The following ROBO2 variants were observed in gnomAD, a reference collection of about 807,000 sequenced individuals.
The protein encoded by ROBO2 is roundabout guidance receptor 2, also known as roundabout homolog 2.
In ROBO2, 53 loss-of-function variants were observed where a neutral mutation model predicts 160.8. The observed-to-expected ratio is 0.33, with a 90% CI of 0.26 to 0.41. ROBO2 has a LOEUF of 0.41. ROBO2 is among the 10% of genes least tolerant of loss of function. ROBO2 has a pLI of 1.00. For missense variants in ROBO2, 1,577 were observed against 1,722.4 expected (o/e 0.92, Z 1.49); for synonymous variants, 664 against 611.7 (o/e 1.09, Z -1.26).
intron 2 of ROBO2, among the ~76,000 whole-genome samples, chr3:76,417,190 A>G (rs114071261): frequency 6.6e-6 from 1 of 152,196 alleles, no homozygotes; most frequent in Non-Finnish European, 1.5e-5. Flanking sequence ...ACAGCATGCT[A>G]TAAGATATTG....
chr3:75,956,577 C>A (rs2107234191), intron 2 of ROBO2, among the ~76,000 whole-genome samples: 1 of 151,696 alleles, frequency 6.6e-6, no homozygotes, highest in South Asian at 2.1e-4. Flanking sequence ...AATATAGTGA[C>A]CCTCATATAG....
intron 2 of ROBO2, among the ~76,000 whole-genome samples, chr3:76,048,842 C>T (rs537250052): frequency 1.2e-4 from 18 of 152,186 alleles, no homozygotes; most frequent in African/African-American, 3.1e-4. Flanking sequence ...GAATACTCCA[C>T]GGCATTGTGA....
chr3:75,969,444 G>A lies in ROBO2; in HGVS notation c.109+31842G>A, dbSNP rs114169288. On this transcript the variant is annotated intron_variant, in intron 2 of 26. Transcript: ENST00000487694. ...TGGGTATGTACCCAGCAGGGGGATT[G>A]TGGAGTCATTCAGTAGCTCTATTTT... is the stretch of plus-strand genomic sequence containing the variant. Among the ~76,000 whole-genome samples, 1,012 of 151,532 alleles carry A rather than the reference G, an allele frequency of 6.7e-3. 11 individuals carry two copies. Among genetic ancestry groups the A allele is most frequent in the Non-Finnish European group, 8.7e-3 (592 of 67,676 alleles).
intron 2 of ROBO2, among the ~76,000 whole-genome samples, chr3:77,242,374 C>G (rs1359530318): frequency 6.6e-6 from 1 of 152,042 alleles, no homozygotes; most frequent in South Asian, 2.1e-4. Context: ...ATTTTAACAT[C>G]TTCCACTGAA....
At position 77,601,021 on chromosome 3, in the gene ROBO2, A is replaced by G. The variant is rs889239167; in HGVS notation, c.2855-1189A>G. 3.3e-5 allele frequency among the ~76,000 whole-genome samples: 5 copies of G among 152,322 alleles called. 1 individual carries two copies. The South Asian group carries it at 1.0e-3, about 32-fold the overall frequency. ...ACAAGCTCCAAACTTCAAAACCTTC[A>G]TAAAGACTTAAGTTATGCAGTGTAC... On this transcript the variant is annotated intron_variant, in intron 19 of 25. Coordinates refer to ENST00000461745, the Ensembl canonical transcript of ROBO2.
At chr3:77,327,146 T>C (rs185984489) in intron 2 of ROBO2, among the ~76,000 whole-genome samples, 2 of 152,298 alleles carry the variant, frequency 1.3e-5, no homozygotes, top group East Asian at 3.9e-4. Context: ...ATTTGGTTTC[T>C]TGGTTAACCC....
At position 76,364,952 on chromosome 3, in the gene ROBO2, A is replaced by G. The variant is rs9860205; in HGVS notation, c.109+427350A>G. ...TTTTCCTATAAATTCGCTTGGATTT[A>G]TCTTTGCCCCCAACTTATCTGGTGT... is the stretch of plus-strand genomic sequence containing the variant. On this transcript the variant is annotated intron_variant, in intron 2 of 26. Coordinates refer to the ROBO2 transcript ENST00000487694. Among the ~76,000 whole-genome samples, 413 of 152,206 alleles carry G rather than the reference A, an allele frequency of 2.7e-3. 2 individuals carry two copies. Among genetic ancestry groups the G allele is most frequent in the African/African-American group, 9.7e-3 (402 of 41,546 alleles).
At chr3:76,268,083 T>C (rs62261374) in intron 2 of ROBO2, among the ~76,000 whole-genome samples, 105,641 of 152,102 alleles carry the variant, frequency 0.69, 40,963 homozygotes, top group Non-Finnish European at 0.89. Context: ...GGCAACATGG[T>C]GAGACCTGAT....
intron 2 of ROBO2, among the ~76,000 whole-genome samples, chr3:76,442,101 G>A (rs538612669): frequency 1.3e-5 from 2 of 152,290 alleles, no homozygotes; most frequent in East Asian, 1.9e-4. Context: ...GAAGAAAAAC[G>A]AGTAAGGGCT....
chr3:77,637,088 A>G (rs1167253970), intron 24 of ROBO2, among the ~76,000 whole-genome samples: 1 of 152,238 alleles, frequency 6.6e-6, no homozygotes, highest in Non-Finnish European at 1.5e-5. Context: ...AAAACTGCAC[A>G]TTAGAACCAT....
intron 2 of ROBO2, among the ~76,000 whole-genome samples, chr3:76,630,108 A>G (rs1265879223): frequency 6.6e-6 from 1 of 152,172 alleles, no homozygotes; most frequent in Non-Finnish European, 1.5e-5. Context: ...TCATTTTGTT[A>G]TAATGTTGAT....
intron 2 of ROBO2, among the ~76,000 whole-genome samples, chr3:77,109,444 G>A (rs1037030172): frequency 6.6e-6 from 1 of 152,068 alleles, no homozygotes; most frequent in African/African-American, 2.4e-5. Context: ...CAAAAACCAA[G>A]GCATGGCTCT....
chr3:76,429,366 G>C (rs180876659), intron 2 of ROBO2, among the ~76,000 whole-genome samples: 299 of 152,280 alleles, frequency 2.0e-3, no homozygotes, highest in Non-Finnish European at 3.7e-3. Flanking sequence ...CCCATTGTTA[G>C]GGTTGTTATG....
intron 1 of ROBO2, among the ~76,000 whole-genome samples, chr3:75,907,889 G>A (rs1946422070): frequency 6.9e-6 from 1 of 145,748 alleles, no homozygotes; most frequent in African/African-American, 2.5e-5. Flanking sequence ...GTGTATCAGA[G>A]AGACAAAATT....
intron 2 of ROBO2, among the ~76,000 whole-genome samples, chr3:75,969,672 A>G (rs2064934524): frequency 6.6e-6 from 1 of 151,620 alleles, no homozygotes. Context: ...ACCTTTTCAT[A>G]TACTTGTTGC....
intron 2 of ROBO2, among the ~76,000 whole-genome samples, chr3:76,641,079 A>G (rs930407320): frequency 6.6e-6 from 1 of 152,190 alleles, no homozygotes; most frequent in African/African-American, 2.4e-5. Context: ...ATTCAAAATC[A>G]CCATTGGACA....
At chr3:76,442,492 C>A (rs2076971657) in intron 2 of ROBO2, among the ~76,000 whole-genome samples, 1 of 152,116 alleles carries the variant, frequency 6.6e-6, no homozygotes, top group African/African-American at 2.4e-5. Context: ...AGGGCAGTAC[C>A]TTTCCCAGAG....
chr3:77,103,646 A>G (rs1055350236), intron 2 of ROBO2, among the ~76,000 whole-genome samples: 1 of 152,132 alleles, frequency 6.6e-6, no homozygotes, highest in African/African-American at 2.4e-5. Context: ...TGTCTTCTGT[A>G]TGAAGACTCA....
At chr3:77,363,834 C>T (rs776715368) in intron 2 of ROBO2, among the ~76,000 whole-genome samples, 2 of 152,166 alleles carry the variant, frequency 1.3e-5, no homozygotes, top group African/African-American at 2.4e-5. Context: ...TGTCTATGAC[C>T]TGCCTTGGAG....
Sources: gnomAD v4.1 joint callset for allele counts (sites outside exome capture counted in the v4.1 genomes callset) on GRCh38, gnomAD v4.1.1 for gene constraint, MANE v1.5 for transcripts, NCBI Gene and HGNC (gene_info 2026-07-23, HGNC 2026-07-21) for gene names.